Variants in ITGA9 observed in about 807,000 individuals in gnomAD.
The protein encoded by ITGA9 is integrin alpha-9.
ITGA9 carries 56 observed loss-of-function variants against 127.8 expected under a neutral mutation model. The ratio of observed to expected loss-of-function variants is 0.44; its 90% CI spans 0.35 to 0.55. The LOEUF is 0.55. Among genes scored for constraint, ITGA9 ranks in the 20% least tolerant of loss-of-function variants. The probability of loss-of-function intolerance (pLI) is 0.00; values close to 1 mark genes in which losing one functional copy is unlikely to be tolerated. For missense variants in ITGA9, 1,196 were observed against 1,347.1 expected (o/e 0.89, Z 1.76); for synonymous variants, 508 against 514.5 (o/e 0.99, Z 0.17).
At chr3:37,673,173 A>G (rs1354384259) in intron 17 of ITGA9, among the ~76,000 whole-genome samples, 1 of 152,172 alleles carries the variant, frequency 6.6e-6, no homozygotes, top group Non-Finnish European at 1.5e-5. Flanking sequence ...CGGAGCTTTC[A>G]TTGCATGAAA....
At chr3:37,683,211 G>A (rs1163962332) in intron 17 of ITGA9, among the ~76,000 whole-genome samples, 1 of 152,086 alleles carries the variant, frequency 6.6e-6, no homozygotes, top group Non-Finnish European at 1.5e-5. Flanking sequence ...CCAGGCACAC[G>A]CCCACCTCAG....
At chr3:37,636,139 A>G (rs1357028751) in intron 16 of ITGA9, among the ~76,000 whole-genome samples, 1 of 152,154 alleles carries the variant, frequency 6.6e-6, no homozygotes, top group Non-Finnish European at 1.5e-5. Context: ...TCCTTTGGGT[A>G]TATACCCAGT....
At chr3:37,574,446 T>C (rs1699633262) in intron 15 of ITGA9, among the ~76,000 whole-genome samples, 1 of 152,058 alleles carries the variant, frequency 6.6e-6, no homozygotes, top group South Asian at 2.1e-4. Context: ...CCTTTGCTGA[T>C]TTTTTTCCTA....
At chr3:37,689,942 A>G (rs538439740) in intron 18 of ITGA9, among the ~76,000 whole-genome samples, 4 of 152,202 alleles carry the variant, frequency 2.6e-5, no homozygotes, top group African/African-American at 7.2e-5. Context: ...CTCATGGCCT[A>G]TTGGGGCCAA....
chr3:37,528,650 G>A (rs1188901594), intron 13 of ITGA9, among the ~76,000 whole-genome samples: 4 of 152,194 alleles, frequency 2.6e-5, no homozygotes, highest in African/African-American at 9.7e-5. Context: ...TAGCCAGAGA[G>A]CCATATGCAA....
chr3:37,462,128 C>A (rs983318820), intron 1 of ITGA9, among the ~76,000 whole-genome samples: 2 of 152,188 alleles, frequency 1.3e-5, no homozygotes, highest in Non-Finnish European at 2.9e-5. Context: ...GGAAGGAAAA[C>A]CTCAGTCCTT....
At chr3:37,798,171 G>A (rs150244081) in intron 26 of ITGA9, among the ~76,000 whole-genome samples, 1 of 152,076 alleles carries the variant, frequency 6.6e-6, no homozygotes, top group Non-Finnish European at 1.5e-5. Context: ...CTGTGTTTTT[G>A]TAGAGACAAG....
chr3:37,673,107 T>A (rs1700652665), intron 17 of ITGA9, among the ~76,000 whole-genome samples: 1 of 152,168 alleles, frequency 6.6e-6, no homozygotes, highest in African/African-American at 2.4e-5. Flanking sequence ...AGTCACTAAC[T>A]AAAATGGGAC....
chr3:37,487,014 G>A (rs974895282), intron 4 of ITGA9, among the ~76,000 whole-genome samples: 2 of 152,126 alleles, frequency 1.3e-5, no homozygotes, highest in African/African-American at 2.4e-5. Context: ...GTTAAAAGTG[G>A]TCTCCACAAG....
intron 15 of ITGA9, among the ~76,000 whole-genome samples, chr3:37,600,451 A>ATGGGAGAGTCT (rs1699911922): frequency 6.6e-6 from 1 of 152,034 alleles, no homozygotes; most frequent in Non-Finnish European, 1.5e-5. Context: ...CCTCTTCCCT[A>ATGGGAGAGTCT]GCCCCACACA....
At chr3:37,787,636 A>T (rs1278934815) in intron 26 of ITGA9, among the ~76,000 whole-genome samples, 4 of 152,126 alleles carry the variant, frequency 2.6e-5, no homozygotes, top group African/African-American at 9.7e-5. Flanking sequence ...GCAGGAAAAA[A>T]AAAATCTTTT....
At chr3:37,460,750 C>A (rs919288097) in intron 1 of ITGA9, among the ~76,000 whole-genome samples, 1 of 151,926 alleles carries the variant, frequency 6.6e-6, no homozygotes, top group Non-Finnish European at 1.5e-5. Context: ...CCACCACACC[C>A]GGCTAATTTT....
chr3:37,775,658 A>G (rs1295567339), intron 23 of ITGA9, among the ~76,000 whole-genome samples: 2 of 152,022 alleles, frequency 1.3e-5, no homozygotes, highest in Non-Finnish European at 2.9e-5. Context: ...AAAAAAAAAA[A>G]AAGCAAAAGT....
intron 15 of ITGA9, among the ~76,000 whole-genome samples, chr3:37,594,651 CTG>C (rs1699852272): frequency 6.6e-6 from 1 of 152,158 alleles, no homozygotes; most frequent in Non-Finnish European, 1.5e-5. Flanking sequence ...AGTTTCCCGT[CTG>C]TAAATGGTGA....
intron 15 of ITGA9, among the ~76,000 whole-genome samples, chr3:37,619,669 A>T (rs573044545): frequency 2.6e-5 from 4 of 152,294 alleles, no homozygotes; most frequent in African/African-American, 9.6e-5. Flanking sequence ...AGTTTTTGTC[A>T]GTTAGGAGTC....
In ITGA9 at chr3:37,599,533, A is replaced by C. The variant is rs1699898107; in HGVS notation, c.1690-29654A>C. On this transcript the variant is annotated intron_variant, in intron 15 of 27. Coordinates refer to ENST00000264741, the MANE Select transcript of ITGA9 (RefSeq NM_002207.3). ...TCTTACACATTCTCTTGGCCAAAGT[A>C]AGTTCAAGGGATGGGAAAATAGCCT... Among the ~76,000 whole-genome samples the C allele has an allele frequency of 3.3e-5, 5 of 152,300 alleles. No homozygotes were observed. In the South Asian group the frequency reaches 1.0e-3, roughly 32 times the overall value.
chr3:37,624,763 C>G (rs1388848219), intron 15 of ITGA9, among the ~76,000 whole-genome samples: 1 of 152,018 alleles, frequency 6.6e-6, no homozygotes, highest in African/African-American at 2.4e-5. Flanking sequence ...TGCTCCACCA[C>G]GCCCGGCTAA....
chr3:37,613,740 C>T (rs1424154834), intron 15 of ITGA9, among the ~76,000 whole-genome samples: 2 of 152,186 alleles, frequency 1.3e-5, no homozygotes, highest in African/African-American at 4.8e-5. Context: ...TTTCATGTGT[C>T]TTTTGGCTGC....
Position 37,624,751 on chromosome 3 carries a change from C to T in ITGA9, c.1690-4436C>T, listed in dbSNP as rs112571880. On this transcript the variant is annotated intron_variant, in intron 15 of 27. Transcript: ENST00000264741. Reference sequence around the variant, plus strand: ...CCTCCTGAGTAGCTGGGATTATAGGCGTGCTCCACCACGCCCGGCTAATTT... The same window carrying T: ...CCTCCTGAGTAGCTGGGATTATAGGTGTGCTCCACCACGCCCGGCTAATTT... Among the ~76,000 whole-genome samples the T allele has an allele frequency of 3.5e-3, 527 of 152,208 alleles. 2 individuals are homozygous for T. Among genetic ancestry groups the T allele is most frequent in the African/African-American group, 0.012 (480 of 41,536 alleles).
Sources: gnomAD v4.1 joint callset for allele counts (sites outside exome capture counted in the v4.1 genomes callset) on GRCh38, gnomAD v4.1.1 for gene constraint, MANE v1.5 for transcripts, NCBI Gene and HGNC (gene_info 2026-07-23, HGNC 2026-07-21) for gene names.